The following HERC3 variants were observed in gnomAD, a reference collection of about 807,000 sequenced individuals.
HERC3 encodes the protein HECT and RLD domain containing E3 ubiquitin protein ligase 3.
In HERC3, 58 loss-of-function variants were observed where a neutral mutation model predicts 129.9. The ratio of observed to expected loss-of-function variants is 0.45; its 90% CI spans 0.36 to 0.56. The LOEUF is 0.56. Among genes scored for constraint, HERC3 ranks in the 20% least tolerant of loss-of-function variants. HERC3 has a pLI of 0.00. For synonymous variants in HERC3, 430 were observed against 451.0 expected (o/e 0.95, Z 0.59); for missense variants, 835 against 1,244.2 (o/e 0.67, Z 4.95).
the HERC3 span, among the ~76,000 whole-genome samples, chr4:88,553,846 C>T: frequency 6.6e-6 from 1 of 152,134 alleles, no homozygotes; most frequent in Non-Finnish European, 1.5e-5. Context: ...CATATAATTT[C>T]TATACTAAAG....
At chr4:88,542,360 T>C in the HERC3 span, among the ~76,000 whole-genome samples, 1 of 152,222 alleles carries the variant, frequency 6.6e-6, no homozygotes, top group Admixed American at 6.5e-5. Context: ...GATACATTCC[T>C]GGACACATAC....
At chr4:88,543,639 C>G in the HERC3 span, among the ~76,000 whole-genome samples, 1 of 152,114 alleles carries the variant, frequency 6.6e-6, no homozygotes, top group Non-Finnish European at 1.5e-5. Context: ...CAATCCTAAG[C>G]CAAAAGAACA....
At chr4:88,676,514 A>G (rs900472306) in intron 18 of HERC3, 91 bp downstream of exon 18, 9 of 896,858 alleles carry the variant, frequency 1.0e-5, no homozygotes, top group Non-Finnish European at 1.6e-5. Flanking sequence ...GAGAAAACAT[A>G]TTTGGTTGAA....
chr4:88,635,106 T>C (rs1578210077), intron 3 of HERC3, among the ~76,000 whole-genome samples: 1 of 151,944 alleles, frequency 6.6e-6, no homozygotes. Flanking sequence ...CTCTAAATGA[T>C]CGCAACACCT....
At chr4:88,690,200 A>G (rs1733931253) in intron 23 of HERC3, 6 of 980,512 alleles carry the variant, frequency 6.1e-6, no homozygotes, top group Non-Finnish European at 6.1e-6. Context: ...TAACATTGGT[A>G]CTTTTGTTAA....
the HERC3 span, among the ~76,000 whole-genome samples, chr4:88,581,859 G>A: frequency 6.6e-6 from 1 of 152,008 alleles, no homozygotes; most frequent in African/African-American, 2.4e-5. Flanking sequence ...TTCACAAAAT[G>A]GATATTAAAA....
At chr4:88,525,349 G>A in the HERC3 span, among the ~76,000 whole-genome samples, 1 of 152,210 alleles carries the variant, frequency 6.6e-6, no homozygotes. Context: ...TAATTTTTCA[G>A]TTGAAGTCAG....
At chr4:88,670,522 C>T (rs1295055397) in intron 16 of HERC3, among the ~76,000 whole-genome samples, 1 of 152,030 alleles carries the variant, frequency 6.6e-6, no homozygotes, top group Admixed American at 6.6e-5. Context: ...TCCACAGAAA[C>T]AGAAAGTACA....
intron 23 of HERC3, among the ~76,000 whole-genome samples, chr4:88,702,999 A>G (rs1008892782): frequency 2.0e-5 from 3 of 152,206 alleles, no homozygotes; most frequent in Non-Finnish European, 2.9e-5. Flanking sequence ...CCAGCCTGCT[A>G]TAAGTCAGAC....
chr4:88,603,787 A>G (rs1723294813), intron 2 of HERC3, among the ~76,000 whole-genome samples: 1 of 152,238 alleles, frequency 6.6e-6, no homozygotes, highest in Non-Finnish European at 1.5e-5. Context: ...ATATATTGAA[A>G]TAATTGATAC....
chr4:88,545,210 A>AT, the HERC3 span, among the ~76,000 whole-genome samples: 1 of 152,124 alleles, frequency 6.6e-6, no homozygotes, highest in Non-Finnish European at 1.5e-5. Context: ...ACATGCCTGC[A>AT]TCAAAACATC....
intron 3 of HERC3, among the ~76,000 whole-genome samples, chr4:88,645,370 G>A (rs1439146110): frequency 6.6e-6 from 1 of 152,084 alleles, no homozygotes; most frequent in Non-Finnish European, 1.5e-5. Context: ...GACAATTTGC[G>A]GAAAAGCAGA....
chr4:88,664,283 A>C, intron 12 of HERC3, 71 bp downstream of exon 12: 1 of 1,263,710 alleles, frequency 7.9e-7, no homozygotes, highest in Non-Finnish European at 1.2e-6. Flanking sequence ...AGGCTGACAC[A>C]GGAGGATTGC....
At chr4:88,677,135 A>T (rs75165599) in intron 18 of HERC3, among the ~76,000 whole-genome samples, 4 of 146,604 alleles carry the variant, frequency 2.7e-5, no homozygotes, top group African/African-American at 7.5e-5. Context: ...ATTCTGTCTC[A>T]AAAAAAAAAA....
At chr4:88,641,840 C>T (rs963313394) in intron 3 of HERC3, among the ~76,000 whole-genome samples, 19 of 151,950 alleles carry the variant, frequency 1.3e-4, no homozygotes, top group Admixed American at 7.9e-4. Flanking sequence ...TCCCCTTGGC[C>T]GGGCACGGTG....
At chr4:88,539,362 G>C in the HERC3 span, among the ~76,000 whole-genome samples, 1 of 152,162 alleles carries the variant, frequency 6.6e-6, no homozygotes, top group Non-Finnish European at 1.5e-5. Context: ...GCAGCCTCGG[G>C]GGGAGAGGGG....
At chr4:88,696,903 C>G (rs570924062) in intron 23 of HERC3, 13 of 322,826 alleles carry the variant, frequency 4.0e-5, no homozygotes, top group Non-Finnish European at 7.2e-5. Flanking sequence ...TACTTCGCAT[C>G]TGCTAACACC....
chr4:88,589,097 T>C (rs1459244323), upstream of HERC3, among the ~76,000 whole-genome samples: 7 of 151,546 alleles, frequency 4.6e-5, no homozygotes, highest in East Asian at 1.2e-3. Flanking sequence ...CGTGTGTGCG[T>C]GTGTGTGTGT....
chr4:88,604,859 G>T (rs1478646911), intron 2 of HERC3, among the ~76,000 whole-genome samples: 2 of 152,204 alleles, frequency 1.3e-5, no homozygotes, highest in Non-Finnish European at 2.9e-5. Flanking sequence ...AGCCAATGTA[G>T]TATGGTTCTA....
Sources: gnomAD v4.1 joint callset for allele counts (sites outside exome capture counted in the v4.1 genomes callset) on GRCh38, gnomAD v4.1.1 for gene constraint, MANE v1.5 for transcripts, NCBI Gene and HGNC (gene_info 2026-07-23, HGNC 2026-07-21) for gene names.